GLRA2: variants seen among roughly 807,000 people sequenced by gnomAD.
GLRA2 encodes glycine receptor alpha 2, also known as glycine receptor subunit alpha-2.
GLRA2 carries 11 observed loss-of-function variants against 31.6 expected under a neutral mutation model. The observed-to-expected ratio is 0.35, with a 90% confidence interval of 0.22 to 0.58. The LOEUF (loss-of-function observed/expected upper bound fraction) is 0.58, where lower values mean the gene tolerates loss of function less well. Among genes scored for constraint, GLRA2 ranks in the 20% least tolerant of loss-of-function variants. The pLI, the probability that GLRA2 is intolerant of heterozygous loss-of-function variation, is 0.84. For synonymous variants in GLRA2, 132 were observed against 134.0 expected (o/e 0.99, Z 0.10); for missense variants, 212 against 351.8 (o/e 0.60, Z 3.18).
At chrX:14,457,996 G>A in the GLRA2 span, among the ~76,000 whole-genome samples, 67 of 109,933 alleles carry the variant, frequency 6.1e-4, no homozygotes, top group Admixed American at 1.9e-3. Context: ...TTAACATTAG[G>A]TATATCTCCT....
chrX:14,462,881 T>C, the GLRA2 span, among the ~76,000 whole-genome samples: 2 of 111,833 alleles, frequency 1.8e-5, no homozygotes, highest in African/African-American at 6.5e-5. Flanking sequence ...CCAGTTTTTT[T>C]CCTTTGCTGG....
At chrX:14,470,854 A>T in the GLRA2 span, among the ~76,000 whole-genome samples, 2 of 112,216 alleles carry the variant, frequency 1.8e-5, no homozygotes, top group African/African-American at 6.5e-5. Flanking sequence ...TTAAAGGACA[A>T]ATCACAGGTT....
In GLRA2 at chrX:14,730,813, G is replaced by A; in HGVS notation, c.*328G>A. On this transcript the variant is annotated 3_prime_UTR_variant, in exon 9 of 9. Coordinates refer to ENST00000218075, the MANE Select transcript of GLRA2 (RefSeq NM_002063.4). ...ATTCAGACATGATATGCGGGGTCAA[G>A]TTCTTAAGGGCTGTTTGCCTTTTGG... The A allele has an allele frequency of 5.2e-6, 1 of 194,160 alleles. No homozygotes were observed. Among genetic ancestry groups the A allele is most frequent in the East Asian group, 1.2e-4 (1 of 8,518 alleles). The allele number at this position is 194,160 out of a possible 1,213,427, so 16.0% of individuals were successfully genotyped here.
At chrX:14,690,469 C>T (rs2091332990) in intron 7 of GLRA2, among the ~76,000 whole-genome samples, 1 of 111,716 alleles carries the variant, frequency 9.0e-6, no homozygotes, top group Non-Finnish European at 1.9e-5. Context: ...TGGAGCTGGT[C>T]TCAGGAATAA....
intron 4 of GLRA2, among the ~76,000 whole-genome samples, chrX:14,590,683 C>T (rs962326178): frequency 2.7e-5 from 3 of 111,947 alleles, no homozygotes; most frequent in Non-Finnish European, 3.8e-5. Context: ...GATTTCTTTT[C>T]GCTGTGCATA....
intron 4 of GLRA2, among the ~76,000 whole-genome samples, chrX:14,587,077 C>G (rs547109757): frequency 8.9e-6 from 1 of 111,770 alleles, no homozygotes; most frequent in South Asian, 3.7e-4. Context: ...TTACTTCAAC[C>G]CAAGTCCAAA....
chrX:14,699,817 C>T (rs2091513086), intron 8 of GLRA2, among the ~76,000 whole-genome samples: 1 of 111,708 alleles, frequency 9.0e-6, no homozygotes, highest in Admixed American at 9.5e-5. Context: ...AGTGAGATCA[C>T]GTCCTTTGCA....
the GLRA2 span, among the ~76,000 whole-genome samples, chrX:14,480,731 T>C: frequency 8.9e-6 from 1 of 111,937 alleles, no homozygotes; most frequent in Non-Finnish European, 1.9e-5. Flanking sequence ...TCTGTTTTTG[T>C]ACCAGTATCA....
intron 7 of GLRA2, among the ~76,000 whole-genome samples, chrX:14,660,253 TTGA>T (rs1312744063): frequency 9.0e-6 from 1 of 111,111 alleles, no homozygotes; most frequent in Non-Finnish European, 1.9e-5. Context: ...GAGCAAAGAC[TTGA>T]TGGAGTGAGG....
chrX:14,545,230 T>C (rs2089462662), intron 2 of GLRA2, among the ~76,000 whole-genome samples: 1 of 111,619 alleles, frequency 9.0e-6, no homozygotes, highest in East Asian at 2.9e-4. Flanking sequence ...CTTACAGTTC[T>C]GGAGGCTTGG....
rs10608573 is a variant in GLRA2, at chrX:14,728,460, CCTA to C, written c.1081-1743_1081-1741del. Reference sequence around the variant, plus strand: ...GCACTAGGTGCAGTCATTAATAAAACCTACTAATGTATCAAGCAAATGAGGTTT... The same window carrying C: ...GCACTAGGTGCAGTCATTAATAAAACCTAATGTATCAAGCAAATGAGGTTT... On this transcript the variant is annotated intron_variant, in intron 8 of 8. Coordinates refer to ENST00000218075, the MANE Select transcript of GLRA2 (RefSeq NM_002063.4). Among the ~76,000 whole-genome samples, 529 of 111,846 alleles carry C rather than the reference CCTA, an allele frequency of 4.7e-3. 4 individuals are homozygous for C. The highest frequency in any genetic ancestry group is 0.017 in the African/African-American group (510 of 30,781).
chrX:14,550,652 C>A (rs986126503), intron 2 of GLRA2, among the ~76,000 whole-genome samples: 2 of 110,962 alleles, frequency 1.8e-5, no homozygotes, highest in Non-Finnish European at 3.8e-5. Context: ...TCTTTGCCGC[C>A]AGGACAGACC....
chrX:14,710,554 C>T (rs1243529325), intron 8 of GLRA2, among the ~76,000 whole-genome samples: 1 of 111,479 alleles, frequency 9.0e-6, no homozygotes, highest in Non-Finnish European at 1.9e-5. Flanking sequence ...ATAACAGCAG[C>T]AAAGGGACTT....
rs374290921 is a variant in GLRA2, at chrX:14,714,088, T to A, written c.1081-16119T>A. On this transcript the variant is annotated intron_variant, in intron 8 of 8. Transcript: ENST00000218075. ...GGTTCTGGTTTGAAGCTTGAACTGA[T>A]TCTATTTCCTGGTTTGAAGCTTGAA... Among the ~76,000 whole-genome samples, 44 of 110,828 alleles carry A rather than the reference T, an allele frequency of 4.0e-4. No homozygotes were observed. The East Asian group carries it at 7.1e-3, about 18-fold the overall frequency.
rs774306788 is a variant in GLRA2, at chrX:14,667,713, GA to G, written c.931-22988del. The stretch of plus-strand genomic sequence containing the variant: ...TGAACTTTTCTCTTTAAATAGTAAA[GA>G]AAAAAAAATCAAATTTTTCCAAATT... On this transcript the variant is annotated intron_variant, in intron 7 of 8. Transcript: ENST00000218075. 1.5e-3 allele frequency among the ~76,000 whole-genome samples: 166 copies of G among 108,680 alleles called. 1 individual carries two copies. Among genetic ancestry groups the G allele is most frequent in the Middle Eastern group, 4.8e-3 (1 of 207 alleles). 94.4% of individuals were successfully genotyped at this position (108,680 alleles called of 115,157 possible).
At chrX:14,710,447 A>G (rs1310717283) in intron 8 of GLRA2, among the ~76,000 whole-genome samples, 2 of 111,933 alleles carry the variant, frequency 1.8e-5, no homozygotes, top group Non-Finnish European at 3.8e-5. Flanking sequence ...TACATTCATT[A>G]TTTACATAAT....
chrX:14,550,924 T>C (rs1470151878), intron 2 of GLRA2, among the ~76,000 whole-genome samples: 2 of 111,944 alleles, frequency 1.8e-5, no homozygotes, highest in Middle Eastern at 4.2e-3. Context: ...CCCATGCGTA[T>C]ATTTCACACC....
At chrX:14,692,299 T>C (rs1398574833) in intron 8 of GLRA2, among the ~76,000 whole-genome samples, 1 of 112,610 alleles carries the variant, frequency 8.9e-6, no homozygotes, top group East Asian at 2.8e-4. Context: ...GCCTCCCTGT[T>C]GGTGCTAACG....
chrX:14,500,914 G>A, the GLRA2 span, among the ~76,000 whole-genome samples: 1 of 110,858 alleles, frequency 9.0e-6, no homozygotes, highest in Admixed American at 9.6e-5. Flanking sequence ...TCCTCAGAAA[G>A]TCTTAATATA....
Sources: allele counts gnomAD v4.1 joint callset (sites outside exome capture counted in the v4.1 genomes callset), GRCh38; gene constraint gnomAD v4.1.1; transcripts MANE v1.5; gene names NCBI Gene and HGNC (gene_info 2026-07-23, HGNC 2026-07-21).